The following ZAN variants were observed in gnomAD, a reference collection of about 807,000 sequenced individuals.
The protein encoded by ZAN is zonadhesin (gene/pseudogene).
Under a neutral mutation model 286.2 loss-of-function variants are expected in ZAN, and 260 were observed. That is an observed-to-expected ratio of 0.91 (90% confidence interval 0.82 to 1.01). The LOEUF (loss-of-function observed/expected upper bound fraction) is 1.01, where lower values mean the gene tolerates loss of function less well. ZAN is among the 50% of genes least tolerant of loss of function. ZAN has a pLI of 0.00. For synonymous variants in ZAN, 1,368 were observed against 1,417.5 expected (o/e 0.97, Z 0.79); for missense variants, 3,410 against 3,639.2 (o/e 0.94, Z 1.62).
In ZAN at chr7:100,776,194, T is replaced by C. The variant is rs556842195; in HGVS notation, c.6193-246T>C. Among the ~76,000 whole-genome samples, 75 of 151,932 alleles carry C rather than the reference T, an allele frequency of 4.9e-4. 1 individual carries two copies. Among genetic ancestry groups the C allele is most frequent in the Non-Finnish European group, 2.5e-4 (17 of 67,942 alleles). Reference sequence around the variant, plus strand: ...TTAGTTGGGGGTGGTGGTGCCCACCTGTAATCCCAGCTGCTCGGGAGGCTG... The same window carrying C: ...TTAGTTGGGGGTGGTGGTGCCCACCCGTAATCCCAGCTGCTCGGGAGGCTG... On this transcript the variant is annotated intron_variant, in intron 33 of 47. Transcript: ENST00000613979.
chr7:100,736,421 T>C, intron 3 of ZAN, 62 bp from the exon 4 acceptor site: 1 of 1,465,968 alleles, frequency 6.8e-7, no homozygotes, highest in South Asian at 1.1e-5. Context: ...TCCCTCTCCC[T>C]GTGTGGCTCT....
chr7:100,762,066 C>T (rs1809618249), intron 19 of ZAN, 149 bp from the exon 20 acceptor site: 1 of 913,478 alleles, frequency 1.1e-6, no homozygotes, highest in Non-Finnish European at 1.7e-6. Flanking sequence ...TGGGGGAGGG[C>T]CATGGGGTCC....
chr7:100,773,533 C>G, intron 30 of ZAN, 40 bp downstream of exon 30: 1 of 1,603,850 alleles, frequency 6.2e-7, no homozygotes, highest in South Asian at 1.1e-5. Flanking sequence ...CTTTCCAGGC[C>G]CACATGTTTG....
intron 38 of ZAN, among the ~76,000 whole-genome samples, 171 bp from the exon 39 acceptor site, chr7:100,789,047 G>C (rs117802078): frequency 3.7e-4 from 56 of 152,198 alleles, no homozygotes; most frequent in Non-Finnish European, 6.6e-4. Context: ...GGAAGGGGGC[G>C]GACCTCACAG....
At chr7:100,759,305 A>T (rs1278527944) in intron 17 of ZAN, among the ~76,000 whole-genome samples, 1 of 151,520 alleles carries the variant, frequency 6.6e-6, no homozygotes, top group Admixed American at 6.6e-5. Flanking sequence ...AGTCGGGAGG[A>T]TGAGGCAGGA....
At chr7:100,791,803 C>T (rs1210801109) in intron 40 of ZAN, among the ~76,000 whole-genome samples, 163 bp from the exon 41 acceptor site, 2 of 152,188 alleles carry the variant, frequency 1.3e-5, no homozygotes, top group African/African-American at 4.8e-5. Context: ...TCTTGGCTCA[C>T]TGCAGTTTCC....
chr7:100,777,172 T>C (rs1810876544), intron 34 of ZAN, among the ~76,000 whole-genome samples: 1 of 150,854 alleles, frequency 6.6e-6, no homozygotes, highest in Non-Finnish European at 1.5e-5. Context: ...GCCTCCCAAG[T>C]AGCTGGGATT....
intron 35 of ZAN, among the ~76,000 whole-genome samples, chr7:100,783,380 T>C (rs188665630): frequency 6.6e-6 from 1 of 152,146 alleles, no homozygotes; most frequent in Non-Finnish European, 1.5e-5. Context: ...TCTGGTTTGC[T>C]TATGTCTTCA....
At chr7:100,778,717 T>C (rs1368274870) in intron 34 of ZAN, among the ~76,000 whole-genome samples, 1 of 152,056 alleles carries the variant, frequency 6.6e-6, no homozygotes, top group Admixed American at 6.6e-5. Context: ...GAGGTCTCTC[T>C]GGGTCATTTG....
At chr7:100,760,286 C>A in intron 18 of ZAN, 105 bp from the exon 19 acceptor site, 1 of 1,444,958 alleles carries the variant, frequency 6.9e-7, no homozygotes, top group Non-Finnish European at 9.5e-7. Context: ...GATTGTTAGG[C>A]CGCTGTGGAT....
intron 19 of ZAN, 136 bp downstream of exon 19, chr7:100,760,672 A>G: frequency 7.4e-7 from 1 of 1,342,300 alleles, no homozygotes; most frequent in Non-Finnish European, 1.0e-6. Context: ...GCATTCACGG[A>G]TGGGAAGCAC....
chr7:100,786,258 G>A, intron 37 of ZAN, 117 bp downstream of exon 37: 1 of 1,463,850 alleles, frequency 6.8e-7, no homozygotes, highest in Non-Finnish European at 9.2e-7. Context: ...CAGGGGTTGG[G>A]GCGGGCGACT....
At chr7:100,766,738 A>G (rs1810002723) in intron 24 of ZAN, 72 bp downstream of exon 24, 2 of 1,499,386 alleles carry the variant, frequency 1.3e-6, no homozygotes, top group Non-Finnish European at 8.9e-7. Flanking sequence ...GGTCCTGCCC[A>G]AAGCAGCTTC....
At position 100,746,809 on chromosome 7, in the gene ZAN, T is replaced by C. The variant is rs1341675823; in HGVS notation, c.931+107T>C. Reference sequence around the variant, plus strand: ...CCTCAGGGTCTAGGGAGGTCTGGAATATGTGCGAGACTATTCCATGAAGTG... The same window carrying C: ...CCTCAGGGTCTAGGGAGGTCTGGAACATGTGCGAGACTATTCCATGAAGTG... On this transcript the variant is annotated intron_variant, in intron 8 of 47. Transcript: ENST00000613979. 4.6e-6 allele frequency: 6 copies of C among 1,316,438 alleles called. No homozygotes were observed. In the South Asian group the frequency reaches 6.9e-5, roughly 15 times the overall value. 81.5% of individuals were successfully genotyped at this position (1,316,438 alleles called of 1,614,324 possible).
At chr7:100,775,027 A>G (rs1810655997) in intron 31 of ZAN, among the ~76,000 whole-genome samples, 1 of 152,118 alleles carries the variant, frequency 6.6e-6, no homozygotes, top group Admixed American at 6.6e-5. Flanking sequence ...TCCCTGGTTC[A>G]AGCGATTCTC....
At chr7:100,795,107 C>T (rs1330755515) in intron 44 of ZAN, 89 bp from the exon 45 acceptor site, 4 of 1,472,746 alleles carry the variant, frequency 2.7e-6, no homozygotes, top group Admixed American at 2.2e-5. Flanking sequence ...CTGCTTTCTC[C>T]CCGGGCGTCC....
intron 14 of ZAN, among the ~76,000 whole-genome samples, chr7:100,753,832 T>TAAAAAAAAAAAAAAAAAAAAAAAAA (rs59347418): frequency 2.7e-5 from 2 of 73,174 alleles, no homozygotes; most frequent in Non-Finnish European, 2.5e-5. Flanking sequence ...GACATCGTCC[T>TAAAAAAAAAAAAAAAAAAAAAAAAA]AAAAAAAAAA....
intron 33 of ZAN, among the ~76,000 whole-genome samples, chr7:100,776,182 G>A (rs1334918452): frequency 6.6e-6 from 1 of 152,004 alleles, no homozygotes; most frequent in Non-Finnish European, 1.5e-5. Flanking sequence ...GTTGGGGGTG[G>A]TGGTGCCCAC....
chr7:100,749,435 T>C (rs1480098686), intron 11 of ZAN, among the ~76,000 whole-genome samples: 2 of 149,004 alleles, frequency 1.3e-5, no homozygotes, highest in African/African-American at 2.5e-5. Context: ...GGTCAGGAGA[T>C]CGAGACCATC....
Sources: gnomAD v4.1 joint callset for allele counts (sites outside exome capture counted in the v4.1 genomes callset) on GRCh38, gnomAD v4.1.1 for gene constraint, MANE v1.5 for transcripts, NCBI Gene and HGNC (gene_info 2026-07-23, HGNC 2026-07-21) for gene names.